KCNQ5: variants seen among roughly 807,000 people sequenced by gnomAD.
KCNQ5 encodes the protein potassium voltage-gated channel subfamily KQT member 5.
A neutral mutation model predicts 98.2 loss-of-function variants in KCNQ5; 30 were observed. The ratio of observed to expected loss-of-function variants is 0.31; its 90% confidence interval spans 0.23 to 0.41. The LOEUF (loss-of-function observed/expected upper bound fraction) is 0.41, where lower values mean the gene tolerates loss of function less well. Among genes scored for constraint, KCNQ5 ranks in the 10% least tolerant of loss-of-function variants. KCNQ5 has a pLI of 1.00. For synonymous variants in KCNQ5, 458 were observed against 449.4 expected (o/e 1.02, Z -0.24); for missense variants, 835 against 1,182.5 (o/e 0.71, Z 4.31).
At chr6:72,811,708 C>G (rs1302598315) in intron 1 of KCNQ5, among the ~76,000 whole-genome samples, 1 of 152,164 alleles carries the variant, frequency 6.6e-6, no homozygotes, top group Non-Finnish European at 1.5e-5. Context: ...TTCCAGGTGT[C>G]TCTCATTCTT....
intron 3 of KCNQ5, among the ~76,000 whole-genome samples, chr6:73,052,311 A>G (rs545231675): frequency 2.0e-5 from 3 of 152,224 alleles, no homozygotes; most frequent in Non-Finnish European, 4.4e-5. Context: ...CTTGGAGAAC[A>G]TATTTCAGGA....
intron 1 of KCNQ5, among the ~76,000 whole-genome samples, chr6:72,695,324 C>T (rs986691609): frequency 3.9e-5 from 6 of 152,128 alleles, no homozygotes; most frequent in Non-Finnish European, 2.9e-5. Flanking sequence ...AACTCAATAA[C>T]ATTTTTATTT....
chr6:72,781,071 T>G (rs1297098738), intron 1 of KCNQ5, among the ~76,000 whole-genome samples: 1 of 152,220 alleles, frequency 6.6e-6, no homozygotes, highest in Non-Finnish European at 1.5e-5. Context: ...GAATGTGATC[T>G]TATTTGGAAA....
At chr6:72,956,705 C>A (rs1386094579) in intron 1 of KCNQ5, among the ~76,000 whole-genome samples, 6 of 151,668 alleles carry the variant, frequency 4.0e-5, no homozygotes, top group Admixed American at 1.3e-4. Flanking sequence ...TGTACCCAGC[C>A]TTTGCTTTTT....
chr6:72,878,363 C>G (rs183831395), intron 1 of KCNQ5, among the ~76,000 whole-genome samples: 1 of 152,152 alleles, frequency 6.6e-6, no homozygotes, highest in Non-Finnish European at 1.5e-5. Flanking sequence ...GAACTCACGA[C>G]CTTTGACAGG....
At chr6:73,089,410 C>T (rs996486040) in intron 5 of KCNQ5, among the ~76,000 whole-genome samples, 2 of 151,996 alleles carry the variant, frequency 1.3e-5, no homozygotes, top group Non-Finnish European at 2.9e-5. Flanking sequence ...CAGTGTCCCC[C>T]AGCGATTATT....
At chr6:72,918,876 A>C (rs913927605) in intron 1 of KCNQ5, among the ~76,000 whole-genome samples, 1 of 152,234 alleles carries the variant, frequency 6.6e-6, no homozygotes, top group African/African-American at 2.4e-5. Flanking sequence ...CATGAAGTCC[A>C]GATTTACAAA....
At chr6:73,124,616 G>T in intron 9 of KCNQ5, 104 bp downstream of exon 9, 1 of 1,020,592 alleles carries the variant, frequency 9.8e-7, no homozygotes, top group South Asian at 1.3e-5. Flanking sequence ...AATACAAGAT[G>T]ATTAAAAGTG....
chr6:73,066,730 G>C (rs1046407467), intron 3 of KCNQ5, among the ~76,000 whole-genome samples: 1 of 152,180 alleles, frequency 6.6e-6, no homozygotes, highest in Non-Finnish European at 1.5e-5. Flanking sequence ...TGGTGACAAA[G>C]CTAGTTAATG....
At chr6:73,111,517 A>G (rs975404371) in intron 7 of KCNQ5, 114 bp downstream of exon 7, 18 of 723,652 alleles carry the variant, frequency 2.5e-5, no homozygotes, top group Middle Eastern at 4.9e-4. Context: ...GTTCCTTTTT[A>G]TAAAATGAAG....
At chr6:73,124,936 G>GATATAT (rs1180218889) in intron 9 of KCNQ5, among the ~76,000 whole-genome samples, 98 of 76,178 alleles carry the variant, frequency 1.3e-3, no homozygotes, top group Non-Finnish European at 1.4e-3. Context: ...CTTTTGGAGT[G>GATATAT]ATATATATAT....
In KCNQ5 at chr6:72,935,519, C is replaced by T. The variant is rs528049443; in HGVS notation, c.399-68389C>T. Reference sequence around the variant, plus strand: ...TAAGCATACTGCCGGCACTCAGAAGCAGCTGCATCAAATCTTCTCTTCTTT... The same window carrying T: ...TAAGCATACTGCCGGCACTCAGAAGTAGCTGCATCAAATCTTCTCTTCTTT... On this transcript the variant is annotated intron_variant, in intron 1 of 13. Transcript: ENST00000370398. Among the ~76,000 whole-genome samples the T allele has an allele frequency of 6.6e-5, 10 of 152,290 alleles. No individual in the cohort carries two copies. The South Asian group carries it at 1.2e-3, about 19-fold the overall frequency.
chr6:72,817,388 C>T lies in KCNQ5; in HGVS notation c.399-186520C>T, dbSNP rs766685522. ...ACCAAATATTTTAATGTGCATTACT[C>T]ACAATTAGATTCTAAAAATGTAAAA... is the stretch of plus-strand genomic sequence containing the variant. On this transcript the variant is annotated intron_variant, in intron 1 of 13. Transcript: ENST00000370398. Among the ~76,000 whole-genome samples the T allele has an allele frequency of 4.6e-5, 7 of 152,250 alleles. No homozygotes were observed. The East Asian group carries it at 1.4e-3, about 29-fold the overall frequency.
chr6:72,676,912 A>C (rs1216327488), intron 1 of KCNQ5, among the ~76,000 whole-genome samples: 2 of 148,054 alleles, frequency 1.4e-5, no homozygotes, highest in Non-Finnish European at 3.0e-5. Flanking sequence ...TTTAATTCTT[A>C]GGTATAATTG....
intron 1 of KCNQ5, among the ~76,000 whole-genome samples, chr6:72,810,362 A>G (rs1448025709): frequency 6.6e-6 from 1 of 152,236 alleles, no homozygotes; most frequent in Non-Finnish European, 1.5e-5. Flanking sequence ...AAGGACACAA[A>G]TATAGATCTA....
At chr6:72,999,521 A>G (rs1456218802) in intron 1 of KCNQ5, among the ~76,000 whole-genome samples, 1 of 152,208 alleles carries the variant, frequency 6.6e-6, no homozygotes, top group Admixed American at 6.5e-5. Context: ...AAACATTCAT[A>G]TATTTTAAAC....
At chr6:72,706,745 C>T (rs557007204) in intron 1 of KCNQ5, among the ~76,000 whole-genome samples, 3 of 152,076 alleles carry the variant, frequency 2.0e-5, no homozygotes, top group South Asian at 2.1e-4. Flanking sequence ...ATAATTTAAC[C>T]GAAAAGGAGA....
chr6:73,103,028 A>G (rs1774853071), intron 5 of KCNQ5, among the ~76,000 whole-genome samples: 1 of 152,314 alleles, frequency 6.6e-6, no homozygotes, highest in Admixed American at 6.5e-5. Flanking sequence ...CACTATACAC[A>G]ATGGCCAAGA....
chr6:72,891,828 T>A (rs1010287392), intron 1 of KCNQ5, among the ~76,000 whole-genome samples: 2 of 152,198 alleles, frequency 1.3e-5, no homozygotes, highest in Non-Finnish European at 2.9e-5. Context: ...CATTCTCTAT[T>A]TACCTCAAAA....
Sources: gnomAD v4.1 joint callset for allele counts (sites outside exome capture counted in the v4.1 genomes callset) on GRCh38, gnomAD v4.1.1 for gene constraint, MANE v1.5 for transcripts, NCBI Gene and HGNC (gene_info 2026-07-23, HGNC 2026-07-21) for gene names.